The following ZC3H12C variants were observed in gnomAD, a reference collection of about 807,000 sequenced individuals.
ZC3H12C encodes zinc finger CCCH-type containing 12C.
A neutral mutation model predicts 76.3 loss-of-function variants in ZC3H12C; 20 were observed. The ratio of observed to expected loss-of-function variants is 0.26; its 90% CI spans 0.18 to 0.38. The LOEUF (loss-of-function observed/expected upper bound fraction) is 0.38, where lower values mean the gene tolerates loss of function less well. Among genes scored for constraint, ZC3H12C ranks in the 10% least tolerant of loss-of-function variants. The pLI, the probability that ZC3H12C is intolerant of heterozygous loss-of-function variation, is 1.00. For missense variants in ZC3H12C, 874 were observed against 1,086.5 expected (o/e 0.80, Z 2.75); for synonymous variants, 352 against 399.6 (o/e 0.88, Z 1.42).
intron 1 of ZC3H12C, among the ~76,000 whole-genome samples, chr11:110,118,643 A>G (rs1407712350): frequency 6.6e-6 from 1 of 152,106 alleles, no homozygotes; most frequent in African/African-American, 2.4e-5. Flanking sequence ...CTGAAAATAT[A>G]AAAATTAGCT....
intron 2 of ZC3H12C, among the ~76,000 whole-genome samples, chr11:110,149,502 C>A (rs1321064018): frequency 6.6e-6 from 1 of 152,222 alleles, no homozygotes; most frequent in African/African-American, 2.4e-5. Context: ...AATAGTTATA[C>A]CAATTTACAC....
intron 1 of ZC3H12C, among the ~76,000 whole-genome samples, chr11:110,129,365 G>A (rs546107959): frequency 4.6e-5 from 7 of 152,198 alleles, no homozygotes; most frequent in East Asian, 3.9e-4. Context: ...TTTTCAGTGC[G>A]ATAACTGAAA....
chr11:110,103,078 C>T (rs1861248407), intron 1 of ZC3H12C, among the ~76,000 whole-genome samples: 1 of 152,162 alleles, frequency 6.6e-6, no homozygotes, highest in South Asian at 2.1e-4. Flanking sequence ...TTTATTACAG[C>T]AGTCTGGAAC....
chr11:110,115,895 G>A (rs891571398), intron 1 of ZC3H12C, among the ~76,000 whole-genome samples: 1 of 151,890 alleles, frequency 6.6e-6, no homozygotes, highest in African/African-American at 2.4e-5. Context: ...CAAGTAGCTA[G>A]GATTACAGCA....
At chr11:110,129,364 C>T (rs772527729) in intron 1 of ZC3H12C, among the ~76,000 whole-genome samples, 2 of 152,046 alleles carry the variant, frequency 1.3e-5, no homozygotes, top group African/African-American at 2.4e-5. Context: ...GTTTTCAGTG[C>T]GATAACTGAA....
rs1862667858 is a variant in ZC3H12C, at chr11:110,170,976, CAATTT to C, written c.*5242_*5246del. Reference sequence around the variant, plus strand: ...CCTAAGATCCTTAGTCTTTTAAAGACAATTTAAGGTATTGGCCATTTGGCAGTAGA... The same window carrying C: ...CCTAAGATCCTTAGTCTTTTAAAGACAAGGTATTGGCCATTTGGCAGTAGA... On this transcript the variant is annotated 3_prime_UTR_variant, in exon 6 of 6. Coordinates refer to ENST00000278590, the MANE Select transcript of ZC3H12C (RefSeq NM_033390.2). 2 of 152,086 alleles carry C rather than the reference CAATTT, an allele frequency of 1.3e-5. No homozygotes were observed. Among genetic ancestry groups the C allele is most frequent in the Non-Finnish European group, 2.9e-5 (2 of 68,000 alleles). The allele number at this position is 152,086 out of a possible 1,614,324, so 9.4% of individuals were successfully genotyped here.
chr11:110,137,525 G>C, intron 2 of ZC3H12C, 111 bp downstream of exon 2: 1 of 1,249,504 alleles, frequency 8.0e-7, no homozygotes, highest in South Asian at 1.6e-5. Context: ...ACATTTTTCT[G>C]TATCCTGATG....
intron 5 of ZC3H12C, among the ~76,000 whole-genome samples, chr11:110,163,789 G>A (rs1306691218): frequency 2.6e-5 from 4 of 152,106 alleles, no homozygotes; most frequent in Non-Finnish European, 5.9e-5. Flanking sequence ...TTGAGGACAC[G>A]GAGGTATTAG....
chr11:110,136,558 A>G, intron 1 of ZC3H12C, 105 bp from the exon 2 acceptor site: 1 of 1,305,240 alleles, frequency 7.7e-7, no homozygotes, highest in Non-Finnish European at 1.0e-6. Flanking sequence ...TGTAGACAAA[A>G]TACAAAGTAT....
At chr11:110,136,627 A>G (rs1197853584) in intron 1 of ZC3H12C, 36 bp from the exon 2 acceptor site, 3 of 1,581,326 alleles carry the variant, frequency 1.9e-6, no homozygotes, top group Non-Finnish European at 2.6e-6. Context: ...TCTAGCCATA[A>G]CTATGAAATT....
intron 3 of ZC3H12C, among the ~76,000 whole-genome samples, chr11:110,156,793 C>T (rs966305138): frequency 3.9e-5 from 6 of 152,160 alleles, no homozygotes; most frequent in Non-Finnish European, 8.8e-5. Context: ...CCTCAAAATG[C>T]TTATCAGGTT....
chr11:110,096,920 CAGTGTAGTT>C (rs572311925), intron 1 of ZC3H12C, among the ~76,000 whole-genome samples: 9 of 152,160 alleles, frequency 5.9e-5, no homozygotes, highest in Non-Finnish European at 1.2e-4. Context: ...GATGTAACAG[CAGTGTAGTT>C]CACAAAAAGG....
At position 110,168,658 on chromosome 11, in the gene ZC3H12C, G is replaced by C. The variant is rs1286863486; in HGVS notation, c.*2921G>C. Reference sequence around the variant, plus strand: ...GCTTTACACAGTAACTAGCCAGTCTGTTGTCTCTGTGTCTTAGTCCAGAGG... The same window carrying C: ...GCTTTACACAGTAACTAGCCAGTCTCTTGTCTCTGTGTCTTAGTCCAGAGG... On this transcript the variant is annotated 3_prime_UTR_variant, in exon 6 of 6. Transcript: ENST00000278590. 6.6e-6 allele frequency: 1 copy of C among 152,164 alleles called. No homozygotes were observed. The highest frequency in any genetic ancestry group is 1.5e-5 in the Non-Finnish European group (1 of 67,994). 9.4% of individuals were successfully genotyped at this position (152,164 alleles called of 1,614,324 possible).
intron 2 of ZC3H12C, among the ~76,000 whole-genome samples, chr11:110,140,703 G>GTA (rs1448187008): frequency 2.6e-5 from 4 of 152,166 alleles, no homozygotes; most frequent in Non-Finnish European, 5.9e-5. Flanking sequence ...TGACTGGTGG[G>GTA]TAGGCCTTAT....
chr11:110,161,284 C>A (rs1380409301), intron 4 of ZC3H12C, among the ~76,000 whole-genome samples: 1 of 152,182 alleles, frequency 6.6e-6, no homozygotes, highest in Non-Finnish European at 1.5e-5. Flanking sequence ...TGTGCTATTA[C>A]GTTACCAGCA....
intron 1 of ZC3H12C, among the ~76,000 whole-genome samples, chr11:110,119,131 C>T (rs1016593199): frequency 1.3e-5 from 2 of 152,174 alleles, no homozygotes; most frequent in African/African-American, 2.4e-5. Flanking sequence ...TTAACATGTG[C>T]TGCAGGCACA....
rs774924306 is a variant in ZC3H12C, at chr11:110,165,442, C to T, written c.2357C>T (p.Ala786Val). The stretch of plus-strand genomic sequence containing the variant: ...GAGAGGCCAGGCTATGGGATCGACG[C>T]CTATGGGTACCGGCAGACTTATTCC... ...SWERPGYGID[A>V]YGYRQTYSLP... The change falls in exon 6 of 6, where the codon GCC (alanine) becomes GTC (valine). Residue 786 changes from alanine to valine, a missense_variant. Ala to Val is a moderately conservative substitution (Grantham distance 64). This residue lies in a region of ZC3H12C where 395 missense variants were observed against 434.4 expected (regional missense o/e 0.91). Coordinates refer to ENST00000278590, the MANE Select transcript of ZC3H12C (RefSeq NM_033390.2). 3.7e-6 allele frequency: 6 copies of T among 1,614,022 alleles called. No homozygotes were observed. Among genetic ancestry groups the T allele is most frequent in the Non-Finnish European group, 5.1e-6 (6 of 1,179,892 alleles).
intron 1 of ZC3H12C, among the ~76,000 whole-genome samples, chr11:110,128,324 G>GAGAT (rs1861791594): frequency 1.3e-5 from 2 of 152,120 alleles, no homozygotes; most frequent in African/African-American, 4.8e-5. Context: ...ACTAGCAACC[G>GAGAT]AGATAGTCTA....
In ZC3H12C at chr11:110,136,908, C is replaced by T. The variant is rs1360047869; in HGVS notation, c.267C>T (p.Asp89=). ...EASEENASSG[D]SEENTNSDHE... ...CTGAAGAGAATGCAAGCTCTGGTGA[C>T]TCTGAAGAAAACACAAATTCTGATC... The change falls in exon 2 of 6, where the codon GAC becomes GAT. Residue 89 remains aspartate (D), a synonymous_variant. Coordinates refer to ENST00000278590, the MANE Select transcript of ZC3H12C (RefSeq NM_033390.2). 1.2e-6 allele frequency: 2 copies of T among 1,613,750 alleles called. No homozygotes were observed. Among genetic ancestry groups the T allele is most frequent in the Admixed American group, 1.7e-5 (1 of 59,976 alleles).
Sources: gnomAD v4.1 joint callset for allele counts (sites outside exome capture counted in the v4.1 genomes callset) on GRCh38, gnomAD v4.1.1 for gene constraint, gnomAD v4.1.1 regional missense constraint, MANE v1.5 for transcripts, NCBI Gene and HGNC (gene_info 2026-07-23, HGNC 2026-07-21) for gene names.